MCOLN2: variants seen among roughly 807,000 people sequenced by gnomAD.
MCOLN2 encodes the protein mucolipin-2.
Under a neutral mutation model 67.5 loss-of-function variants are expected in MCOLN2, and 57 were observed. The observed-to-expected ratio is 0.84, with a 90% CI of 0.68 to 1.05. The LOEUF is 1.05. Ranked by LOEUF, MCOLN2 falls within the 50% of genes least tolerant of loss-of-function variation. The pLI is 0.00. For synonymous variants in MCOLN2, 246 were observed against 233.3 expected (o/e 1.05, Z -0.50); for missense variants, 620 against 678.8 (o/e 0.91, Z 0.96).
intron 1 of MCOLN2, among the ~76,000 whole-genome samples, chr1:84,986,119 A>G (rs1361921654): frequency 1.3e-5 from 2 of 152,240 alleles, no homozygotes; most frequent in Non-Finnish European, 1.5e-5. Context: ...AACAGAATAG[A>G]GAACCCAGAA....
At chr1:84,995,122 C>T (rs1199561018) in intron 1 of MCOLN2, among the ~76,000 whole-genome samples, 2 of 152,080 alleles carry the variant, frequency 1.3e-5, no homozygotes, top group East Asian at 1.9e-4. Flanking sequence ...CAGTTCATGG[C>T]ACCCCAAAAC....
In MCOLN2 at chr1:84,939,660, A is replaced by G; in HGVS notation, c.1003T>C (p.Cys335Arg). 6.2e-7 allele frequency: 1 copy of G among 1,614,132 alleles called. No homozygotes were observed. The highest frequency in any genetic ancestry group is 8.5e-7 in the Non-Finnish European group (1 of 1,179,982). Residue 335 changes from cysteine to arginine, a missense_variant, in exon 9 of 14, where the codon TGT becomes CGT. Physicochemically the swap from Cys to Arg is radical, Grantham distance 180 (BLOSUM62 -3). Coordinates refer to ENST00000370608, the MANE Select transcript of MCOLN2 (RefSeq NM_153259.4). Reference protein sequence around the residue: ...FFLEKYKRPVCDTDQWEFING... With the variant: ...FFLEKYKRPVRDTDQWEFING... ...ATGAACTCCCACTGGTCGGTGTCAC[A>G]CACAGGCCGCTTGTACTTCTCCAGG...
Position 84,965,641 on chromosome 1 carries a change from A to C in MCOLN2, c.145T>G (p.Phe49Val). 6.2e-7 allele frequency: 1 copy of C among 1,614,052 alleles called. No homozygotes were observed. The highest frequency in any genetic ancestry group is 8.5e-7 in the Non-Finnish European group (1 of 1,179,946). Reference protein sequence around the residue: ...ECLREDLKFYFMSPCEKYRAR... With the variant: ...ECLREDLKFYVMSPCEKYRAR... ...CGGTATTTTTCACAAGGGCTCATGA[A>C]GTAAAACTTCAGGTCTTCCCTTAGA... Residue 49 changes from phenylalanine (F) to valine (V), a missense_variant, in exon 2 of 14, where the codon TTC becomes GTC. Coordinates refer to ENST00000370608, the MANE Select transcript of MCOLN2 (RefSeq NM_153259.4).
chr1:84,955,337 A>G (rs1322500343), intron 4 of MCOLN2, among the ~76,000 whole-genome samples: 1 of 152,176 alleles, frequency 6.6e-6, no homozygotes, highest in East Asian at 1.9e-4. Context: ...CTTAGGAAAG[A>G]TAGTTAGGGA....
At chr1:84,974,670 T>C (rs900239875) in intron 1 of MCOLN2, among the ~76,000 whole-genome samples, 3 of 151,926 alleles carry the variant, frequency 2.0e-5, no homozygotes, top group African/African-American at 7.3e-5. Context: ...TGGGTGAGCC[T>C]CTGAGACTTG....
intron 11 of MCOLN2, among the ~76,000 whole-genome samples, chr1:84,933,062 C>T (rs1647251649): frequency 6.6e-6 from 1 of 152,170 alleles, no homozygotes; most frequent in Non-Finnish European, 1.5e-5. Context: ...AGGCCCATCC[C>T]TACATTTTTC....
chr1:84,939,052 C>T (rs1215811436), intron 9 of MCOLN2, among the ~76,000 whole-genome samples: 1 of 152,046 alleles, frequency 6.6e-6, no homozygotes, highest in East Asian at 1.9e-4. Context: ...GCTGGAGGGA[C>T]CTCTGACCAA....
Position 84,997,017 on chromosome 1 carries a change from C to A in MCOLN2, c.-145G>T. ...GGTTCCCTTCTCTTACCCTTTCTGC[C>A]GGCCGCGTGGTGCGCGCAGACCCCG... is the stretch of plus-strand genomic sequence containing the variant. On this transcript the variant is annotated 5_prime_UTR_variant, in exon 1 of 14. Coordinates refer to ENST00000370608, the MANE Select transcript of MCOLN2 (RefSeq NM_153259.4). 1 of 696,736 alleles carries A rather than the reference C, an allele frequency of 1.4e-6. No homozygotes were observed. The highest frequency in any genetic ancestry group is 2.7e-5 in the Admixed American group (1 of 36,730). The allele number at this position is 696,736 out of a possible 1,614,324, so 43.2% of individuals were successfully genotyped here. A position where few individuals can be genotyped will look rare whatever the true frequency, so the allele number is the denominator to read the frequency against.
Position 84,941,073 on chromosome 1 carries a change from G to A in MCOLN2, c.848-82C>T, listed in dbSNP as rs551736875. On this transcript the variant is annotated intron_variant, in intron 7 of 13. Coordinates refer to ENST00000370608, the MANE Select transcript of MCOLN2 (RefSeq NM_153259.4). ...AAACAAAATGGCAGTGTGAAAAGAAGTTCAAACAATAAATGTTTTGTCTAT... is the reference window on the plus strand; with the variant it reads ...AAACAAAATGGCAGTGTGAAAAGAAATTCAAACAATAAATGTTTTGTCTAT... The A allele has an allele frequency of 3.2e-4, 262 of 821,576 alleles. 2 individuals carry two copies. The African/African-American group carries it at 4.2e-3, about 13-fold the overall frequency. 50.9% of individuals were successfully genotyped at this position (821,576 alleles called of 1,614,324 possible).
At chr1:84,950,135 A>G (rs1175278938) in intron 6 of MCOLN2, among the ~76,000 whole-genome samples, 1 of 152,248 alleles carries the variant, frequency 6.6e-6, no homozygotes, top group Non-Finnish European at 1.5e-5. Flanking sequence ...GAGGCTAAGG[A>G]ACTCACAATA....
intron 1 of MCOLN2, among the ~76,000 whole-genome samples, chr1:84,971,001 A>C (rs377097784): frequency 1.1e-4 from 17 of 152,326 alleles, no homozygotes; most frequent in African/African-American, 2.2e-4. Flanking sequence ...GAAAAGAAAA[A>C]GGTCAAAGTA....
At chr1:84,957,013 G>A (rs758050181) in intron 3 of MCOLN2, among the ~76,000 whole-genome samples, 12 of 151,932 alleles carry the variant, frequency 7.9e-5, no homozygotes, top group Non-Finnish European at 1.3e-4. Context: ...TCTCAATTCC[G>A]CACCTCAATG....
At chr1:84,996,231 C>G (rs545366097) in intron 1 of MCOLN2, among the ~76,000 whole-genome samples, 1 of 152,112 alleles carries the variant, frequency 6.6e-6, no homozygotes, top group Non-Finnish European at 1.5e-5. Context: ...GTTCCCTCTA[C>G]ATAAAATATC....
chr1:84,935,280 T>G (rs1271894744), intron 11 of MCOLN2, among the ~76,000 whole-genome samples: 1 of 152,226 alleles, frequency 6.6e-6, no homozygotes, highest in African/African-American at 2.4e-5. Flanking sequence ...ACTTGTACAT[T>G]CAGTGAATTA....
intron 1 of MCOLN2, among the ~76,000 whole-genome samples, chr1:84,983,014 G>A (rs1302588237): frequency 6.6e-6 from 1 of 151,836 alleles, no homozygotes; most frequent in Non-Finnish European, 1.5e-5. Context: ...CACTGAGTCC[G>A]GAAGAATTTT....
intron 7 of MCOLN2, among the ~76,000 whole-genome samples, chr1:84,946,246 C>T (rs1244350756): frequency 6.6e-6 from 1 of 152,128 alleles, no homozygotes; most frequent in African/African-American, 2.4e-5. Context: ...ATTACCTTTG[C>T]TTTTTTTCTC....
chr1:84,970,180 T>A (rs1649598622), intron 1 of MCOLN2, among the ~76,000 whole-genome samples: 2 of 152,022 alleles, frequency 1.3e-5, no homozygotes, highest in Admixed American at 6.6e-5. Context: ...GCTTTTTCAT[T>A]TAATAAAAAG....
intron 12 of MCOLN2, among the ~76,000 whole-genome samples, chr1:84,930,070 C>T (rs1197642030): frequency 6.6e-6 from 1 of 152,054 alleles, no homozygotes; most frequent in Non-Finnish European, 1.5e-5. Context: ...TGAGACTGGC[C>T]TGGGCAAGAT....
chr1:84,943,644 G>A lies in MCOLN2; in HGVS notation c.848-2653C>T, dbSNP rs184884728. Among the ~76,000 whole-genome samples the A allele has an allele frequency of 2.1e-3, 316 of 152,304 alleles. 3 individuals are homozygous for A. Among genetic ancestry groups the A allele is most frequent in the African/African-American group, 7.2e-3 (298 of 41,576 alleles). On this transcript the variant is annotated intron_variant, in intron 7 of 13. Transcript: ENST00000370608. ...GTGACACTGGCATGAGTGTCTGAGG[G>A]CAAAGCAGCTCCTACAATGGGTGGC...
Sources: gnomAD v4.1 joint callset for allele counts (sites outside exome capture counted in the v4.1 genomes callset) on GRCh38, gnomAD v4.1.1 for gene constraint, MANE v1.5 for transcripts, NCBI Gene and HGNC (gene_info 2026-07-23, HGNC 2026-07-21) for gene names.